Variants in CABLES2 observed in about 807,000 individuals in gnomAD.
CABLES2 encodes Cdk5 and Abl enzyme substrate 2, also known as CDK5 and ABL1 enzyme substrate 2.
CABLES2 carries 35 observed loss-of-function variants against 44.8 expected under a neutral mutation model. The ratio of observed to expected loss-of-function variants is 0.78; its 90% CI spans 0.60 to 1.04. The LOEUF (loss-of-function observed/expected upper bound fraction) is 1.04. Ranked by LOEUF, CABLES2 falls within the 50% of genes least tolerant of loss-of-function variation. The probability of loss-of-function intolerance (pLI) is 0.00; values close to 1 mark genes in which losing one functional copy is unlikely to be tolerated. For missense variants in CABLES2, 566 were observed against 615.7 expected, an observed-to-expected ratio of 0.92 and a Z score of 0.85; for synonymous variants, 282 against 281.1, an observed-to-expected ratio of 1.00 and a Z score of -0.03.
chr20:62,392,316 C>T, intron 8 of CABLES2, 73 bp downstream of exon 8: 1 of 1,092,410 alleles, frequency 9.2e-7, no homozygotes, highest in Non-Finnish European at 1.4e-6. Context: ...TGGAGAGAAT[C>T]TACCAGAAAC....
In CABLES2 at chr20:62,407,203, G is replaced by C. The variant is rs1050143512; in HGVS notation, c.74C>G (p.Pro25Arg). Reference sequence around the variant, plus strand: ...CGGCGGGGCCCGAGCGGCCGAGGTCGGCGCGGCGGGTGGCGGGGGCCCGGC... The same window carrying C: ...CGGCGGGGCCCGAGCGGCCGAGGTCCGCGCGGCGGGTGGCGGGGGCCCGGC... ...GPAGPPPPAA[P>R]TSAARAPPQA... The change falls in exon 1 of 10, where the codon CCG (proline) becomes CGG (arginine). Residue 25 changes from proline (P) to arginine (R), a missense_variant. By Grantham distance (103) the Pro-to-Arg change is moderately radical. Transcript: ENST00000279101. 1 of 980,778 alleles carries C rather than the reference G, an allele frequency of 1.0e-6. No homozygotes were observed. Among genetic ancestry groups the C allele is most frequent in the Non-Finnish European group, 1.2e-6 (1 of 828,126 alleles). The allele number at this position is 980,778 out of a possible 1,614,324, so 60.8% of individuals were successfully genotyped here.
In CABLES2 at chr20:62,391,186, C is replaced by T; in HGVS notation, c.1296+63G>A. On this transcript the variant is annotated intron_variant, in intron 9 of 9. Coordinates refer to ENST00000279101, the MANE Select transcript of CABLES2 (RefSeq NM_031215.3). This position sits in a 1 kb window ranked among gnomAD's most constrained non-coding sequence, Gnocchi z 5.7. ...ATTTCCCACCCGGCCAGCCCCATCC[C>T]AGCAGTGGCCCTGGCTCGATGTCAT... The T allele has an allele frequency of 6.2e-7, 1 of 1,603,902 alleles. No homozygotes were observed. The highest frequency in any genetic ancestry group is 8.5e-7 in the Non-Finnish European group (1 of 1,172,758).
Position 62,391,010 on chromosome 20 carries a change from T to A in CABLES2, c.1398A>T (p.Gln466His). 1 of 1,614,048 alleles carries A rather than the reference T, an allele frequency of 6.2e-7. No individual in the cohort carries two copies. The highest frequency in any genetic ancestry group is 8.5e-7 in the Non-Finnish European group (1 of 1,180,002). ...LELALYLPEN[Q>H]VLPHYRRLTQ... ...TGAGGCGCCTGTAATGAGGTAACAC[T>A]TGGTTCTCGGGAAGATACAGGGCCA... Residue 466 changes from glutamine to histidine, a missense_variant, in exon 10 of 10, where the codon CAA becomes CAT. This residue lies in a region of CABLES2 where 436 missense variants were observed against 536.3 expected (regional missense o/e 0.81). Transcript: ENST00000279101. This position sits in a 1 kb window ranked among gnomAD's most constrained non-coding sequence, Gnocchi z 5.7.
chr20:62,398,056 C>T lies in CABLES2; in HGVS notation c.363-1464G>A, dbSNP rs796749004. 1.9e-3 allele frequency among the ~76,000 whole-genome samples: 96 copies of T among 51,110 alleles called. 1 individual carries two copies. Among genetic ancestry groups the T allele is most frequent in the South Asian group, 6.0e-3 (9 of 1,488 alleles). The allele number at this position is 51,110 out of a possible 152,430, so 33.5% of individuals were successfully genotyped here. The stretch of plus-strand genomic sequence containing the variant: ...ACAGTGATGGTGATGGTGGTGATGG[C>T]GATGGTGGTGGTGACGGTGGTGGTG... On this transcript the variant is annotated intron_variant, in intron 1 of 9. Transcript: ENST00000279101.
At position 62,396,670 on chromosome 20, in the gene CABLES2, C is replaced by T. The variant is rs373403972; in HGVS notation, c.363-78G>A. The T allele has an allele frequency of 4.1e-5, 59 of 1,449,264 alleles. No homozygotes were observed. The highest frequency in any genetic ancestry group is 1.4e-4 in the African/African-American group (10 of 71,382). The allele number at this position is 1,449,264 out of a possible 1,614,324, so 89.8% of individuals were successfully genotyped here. A position where few individuals can be genotyped will look rare whatever the true frequency, so the allele number is the denominator to read the frequency against. On this transcript the variant is annotated intron_variant, in intron 1 of 9. Coordinates refer to ENST00000279101, the MANE Select transcript of CABLES2 (RefSeq NM_031215.3). This position sits in a 1 kb window ranked among gnomAD's most constrained non-coding sequence, Gnocchi z 5.7. ...TTGTGGCCAGAAACCGAGTGCCGCC[C>T]GCTGTGCAGGGAAGGGCCACTCTCC...
chr20:62,397,891 T>C lies in CABLES2; in HGVS notation c.363-1299A>G, dbSNP rs373557617. Reference sequence around the variant, plus strand: ...AGAAGGGAGCAGTTGGTGGTGGTGATGGCGGTGGTGGTGATGGTGATGGCA... The same window carrying C: ...AGAAGGGAGCAGTTGGTGGTGGTGACGGCGGTGGTGGTGATGGTGATGGCA... On this transcript the variant is annotated intron_variant, in intron 1 of 9. Coordinates refer to ENST00000279101, the MANE Select transcript of CABLES2 (RefSeq NM_031215.3). Among the ~76,000 whole-genome samples, 21 of 151,620 alleles carry C rather than the reference T, an allele frequency of 1.4e-4. No individual in the cohort carries two copies. In the East Asian group the frequency reaches 3.5e-3, roughly 25 times the overall value.
At chr20:62,398,079 G>GTGGTGGTGA (rs1988083142) in intron 1 of CABLES2, among the ~76,000 whole-genome samples, 1 of 136,758 alleles carries the variant, frequency 7.3e-6, no homozygotes, top group South Asian at 2.5e-4. Flanking sequence ...GACGGTGGTG[G>GTGGTGGTGA]TGGTGGTGAC....
At chr20:62,399,593 CTT>C (rs71195455) in intron 1 of CABLES2, among the ~76,000 whole-genome samples, 124 of 107,632 alleles carry the variant, frequency 1.2e-3, no homozygotes, top group African/African-American at 3.7e-3. Flanking sequence ...GGGTCAGGTC[CTT>C]TTTTTTTTTT....
intron 1 of CABLES2, chr20:62,404,908 G>A (rs965501746): frequency 1.3e-5 from 2 of 152,290 alleles, no homozygotes; most frequent in African/African-American, 2.4e-5. Flanking sequence ...AATCCCACAG[G>A]GCAGGGATGT....
chr20:62,398,091 G>A (rs1478773485), intron 1 of CABLES2, among the ~76,000 whole-genome samples: 138 of 132,048 alleles, frequency 1.0e-3, no homozygotes, highest in African/African-American at 3.2e-3. Flanking sequence ...GGTGGTGACG[G>A]TGGTGGTGGT....
At position 62,396,484 on chromosome 20, in the gene CABLES2, C is replaced by T. The variant is rs372141301; in HGVS notation, c.434+37G>A. ...CCGCAGGGGTCAGTGGCAGCCCGAG[C>T]GGAGTCGTAGAGCTCGGGGCGGACG... On this transcript the variant is annotated intron_variant, in intron 2 of 9. Coordinates refer to ENST00000279101, the MANE Select transcript of CABLES2 (RefSeq NM_031215.3). The surrounding 1 kb of genome is among the most constrained non-coding windows in gnomAD (Gnocchi z 5.7). 12 of 1,613,012 alleles carry T rather than the reference C, an allele frequency of 7.4e-6. No homozygotes were observed. Among genetic ancestry groups the T allele is most frequent in the Non-Finnish European group, 1.0e-5 (12 of 1,179,306 alleles).
rs1476075343 is a variant in CABLES2, at chr20:62,389,560, G to A, written c.*1411C>T. On this transcript the variant is annotated 3_prime_UTR_variant, in exon 10 of 10. Transcript: ENST00000279101. The stretch of plus-strand genomic sequence containing the variant: ...GCGGAAGCACCAGTCTGCACAGAAA[G>A]CATAGGATGTATTGTATTAATGGGC... 2.0e-5 allele frequency: 3 copies of A among 152,254 alleles called. No individual in the cohort carries two copies. The highest frequency in any genetic ancestry group is 7.2e-5 in the African/African-American group (3 of 41,452). The allele number at this position is 152,254 out of a possible 1,614,324, so 9.4% of individuals were successfully genotyped here.
Position 62,396,250 on chromosome 20 carries a change from G to C in CABLES2, c.527+65C>G, listed in dbSNP as rs748036. ...TGGAGGGAAGATTGCTTGGCTGACA[G>C]GGGCAGGACCCCGTGGGCTTATGGA... On this transcript the variant is annotated intron_variant, in intron 3 of 9. Transcript: ENST00000279101. This position sits in a 1 kb window ranked among gnomAD's most constrained non-coding sequence, Gnocchi z 5.7. 0.17 allele frequency: 238,672 copies of C among 1,371,652 alleles called. 23,111 individuals are homozygous for C. The highest frequency in any genetic ancestry group is 0.26 in the Middle Eastern group (1,324 of 5,012). The allele number at this position is 1,371,652 out of a possible 1,614,324, so 85.0% of individuals were successfully genotyped here.
intron 1 of CABLES2, among the ~76,000 whole-genome samples, chr20:62,399,863 G>C (rs753080703): frequency 1.6e-4 from 25 of 152,274 alleles, no homozygotes; most frequent in Non-Finnish European, 2.8e-4. Flanking sequence ...CAAAGTGTCA[G>C]GATTACAGGC....
At position 62,397,956 on chromosome 20, in the gene CABLES2, G is replaced by A. The variant is rs1289908452; in HGVS notation, c.363-1364C>T. On this transcript the variant is annotated intron_variant, in intron 1 of 9. Coordinates refer to ENST00000279101, the MANE Select transcript of CABLES2 (RefSeq NM_031215.3). ...GGTGGTGATGGTGGTGACGGTAGTG[G>A]TGGTGATGGTGGTGACAGTGGTGAT... Among the ~76,000 whole-genome samples, 200 of 126,572 alleles carry A rather than the reference G, an allele frequency of 1.6e-3. 4 individuals are homozygous for A. Among genetic ancestry groups the A allele is most frequent in the South Asian group, 0.014 (56 of 3,938 alleles). The allele number at this position is 126,572 out of a possible 152,430, so 83.0% of individuals were successfully genotyped here.
chr20:62,392,915 C>T lies in CABLES2; in HGVS notation c.984+5G>A. 6.2e-7 allele frequency: 1 copy of T among 1,613,162 alleles called. No individual in the cohort carries two copies. Among genetic ancestry groups the T allele is most frequent in the Non-Finnish European group, 8.5e-7 (1 of 1,179,398 alleles). On this transcript the variant is annotated splice_donor_5th_base_variant and intron_variant, in intron 7 of 9. Transcript: ENST00000279101. ...TGCACCCAGGCCCTGGGAGAGGGCA[C>T]TCACCATGTACGACGCAAAGATGAG...
At chr20:62,397,922 G>A in intron 1 of CABLES2, among the ~76,000 whole-genome samples, 1 of 135,208 alleles carries the variant, frequency 7.4e-6, no homozygotes, top group African/African-American at 3.1e-5. Context: ...TGGCAGTGGT[G>A]ATGGTGGTGG....
At chr20:62,395,647 CCT>C (rs1988004875) in intron 3 of CABLES2, among the ~76,000 whole-genome samples, 1 of 152,264 alleles carries the variant, frequency 6.6e-6, no homozygotes, top group Non-Finnish European at 1.5e-5. Flanking sequence ...AACTTCTCCC[CCT>C]CTCTGGCTTG....
chr20:62,392,582 C>G, intron 7 of CABLES2, 87 bp from the exon 8 acceptor site: 1 of 1,013,786 alleles, frequency 9.9e-7, no homozygotes, highest in Non-Finnish European at 1.6e-6. Flanking sequence ...TCTCACTGTC[C>G]TGGGTTTGCA....
Sources: gnomAD v4.1 joint callset for allele counts (sites outside exome capture counted in the v4.1 genomes callset) on GRCh38, gnomAD v4.1.1 for gene constraint, gnomAD v4.1.1 regional missense constraint, Gnocchi (gnomAD v3.1) non-coding constraint, MANE v1.5 for transcripts, NCBI Gene and HGNC (gene_info 2026-07-23, HGNC 2026-07-21) for gene names.